The following RGS22 variants were observed in gnomAD, a reference collection of about 807,000 sequenced individuals.
The protein encoded by RGS22 is regulator of G protein signaling 22.
In RGS22, 148 loss-of-function variants were observed where a neutral mutation model predicts 172.9. The ratio of observed to expected loss-of-function variants is 0.86; its 90% confidence interval spans 0.75 to 0.98. The LOEUF is 0.98. Among genes scored for constraint, RGS22 ranks in the 50% least tolerant of loss-of-function variants. RGS22 has a pLI of 0.00. For missense variants in RGS22, 1,347 were observed against 1,440.8 expected, an observed-to-expected ratio of 0.93 and a Z score of 1.05; for synonymous variants, 458 against 480.2, an observed-to-expected ratio of 0.95 and a Z score of 0.60.
intron 23 of RGS22, among the ~76,000 whole-genome samples, chr8:99,976,149 C>T (rs573664593): frequency 6.6e-6 from 1 of 151,898 alleles, no homozygotes; most frequent in Non-Finnish European, 1.5e-5. Context: ...GAGATTGCAC[C>T]ACTGCACTCC....
At chr8:100,104,742 T>C (rs1406933705) in intron 2 of RGS22, among the ~76,000 whole-genome samples, 2 of 151,874 alleles carry the variant, frequency 1.3e-5, no homozygotes, top group Admixed American at 1.3e-4. Flanking sequence ...ATAATAGAAG[T>C]GGTTAGAGCT....
intron 3 of RGS22, among the ~76,000 whole-genome samples, chr8:100,084,747 G>A (rs919573536): frequency 3.3e-5 from 5 of 152,130 alleles, no homozygotes; most frequent in Non-Finnish European, 7.4e-5. Context: ...TTTACCAATA[G>A]CAAAATGTTT....
intron 23 of RGS22, among the ~76,000 whole-genome samples, chr8:99,969,938 A>G (rs1811159052): frequency 6.6e-6 from 1 of 152,228 alleles, no homozygotes; most frequent in Non-Finnish European, 1.5e-5. Flanking sequence ...CATTCTTCTC[A>G]GCATCGGGTA....
intron 18 of RGS22, 41 bp from the exon 19 acceptor site, chr8:99,999,461 T>C: frequency 6.3e-7 from 1 of 1,597,486 alleles, no homozygotes; most frequent in Non-Finnish European, 8.5e-7. Context: ...TTGTGCTTTC[T>C]AAAAGAAACA....
At chr8:100,079,342 T>C (rs550806973) in intron 4 of RGS22, among the ~76,000 whole-genome samples, 2 of 152,264 alleles carry the variant, frequency 1.3e-5, no homozygotes, top group East Asian at 1.9e-4. Context: ...TATTAGCATT[T>C]AGTTTGATGA....
At chr8:100,080,419 A>G in intron 3 of RGS22, 64 bp from the exon 4 acceptor site, 1 of 1,217,886 alleles carries the variant, frequency 8.2e-7, no homozygotes, top group Non-Finnish European at 1.2e-6. Context: ...GTCTCTAAGA[A>G]GACTTGTGGT....
At chr8:99,985,968 A>G (rs1307898828) in intron 21 of RGS22, among the ~76,000 whole-genome samples, 1 of 152,160 alleles carries the variant, frequency 6.6e-6, no homozygotes, top group Non-Finnish European at 1.5e-5. Context: ...TAATCTCAAA[A>G]AAATTATTTT....
chr8:100,018,710 T>C (rs1817282272), intron 14 of RGS22, among the ~76,000 whole-genome samples: 1 of 152,196 alleles, frequency 6.6e-6, no homozygotes, highest in Non-Finnish European at 1.5e-5. Flanking sequence ...AAATACGACA[T>C]TTCCCATTGC....
intron 14 of RGS22, 127 bp downstream of exon 14, chr8:100,038,804 C>A: frequency 2.2e-6 from 1 of 455,236 alleles, no homozygotes; most frequent in Non-Finnish European, 3.9e-6. Flanking sequence ...TACAGTAATC[C>A]CATGGCAACA....
At chr8:100,053,136 A>G (rs1372928782) in intron 9 of RGS22, among the ~76,000 whole-genome samples, 160 bp from the exon 10 acceptor site, 1 of 152,174 alleles carries the variant, frequency 6.6e-6, no homozygotes, top group Non-Finnish European at 1.5e-5. Context: ...CCTTGAAAAA[A>G]TATTTTTCTG....
At chr8:100,097,179 A>G (rs1813043342) in intron 2 of RGS22, among the ~76,000 whole-genome samples, 1 of 152,320 alleles carries the variant, frequency 6.6e-6, no homozygotes, top group East Asian at 1.9e-4. Flanking sequence ...ATCAACTGAC[A>G]AGGAGCTTGA....
intron 10 of RGS22, among the ~76,000 whole-genome samples, chr8:100,047,836 A>C (rs1323806580): frequency 6.6e-6 from 1 of 152,196 alleles, no homozygotes; most frequent in Non-Finnish European, 1.5e-5. Context: ...TTATATCCTT[A>C]CTTCCACCAT....
chr8:100,098,689 T>TTCTCTCC (rs1443703307), intron 2 of RGS22, among the ~76,000 whole-genome samples: 1 of 151,880 alleles, frequency 6.6e-6, no homozygotes, highest in African/African-American at 2.4e-5. Context: ...CTCTTCTCTC[T>TTCTCTCC]TCTTCCCTCT....
intron 14 of RGS22, among the ~76,000 whole-genome samples, chr8:100,026,399 G>A (rs551229801): frequency 6.6e-6 from 1 of 152,002 alleles, no homozygotes; most frequent in African/African-American, 2.4e-5. Flanking sequence ...TGCACAACAT[G>A]GATCTGGTGA....
chr8:100,046,927 C>T lies in RGS22; in HGVS notation c.1823+536G>A, dbSNP rs552452491. Among the ~76,000 whole-genome samples, 37 of 151,928 alleles carry T rather than the reference C, an allele frequency of 2.4e-4. 1 individual carries two copies. The South Asian group carries it at 7.3e-3, about 30-fold the overall frequency. On this transcript the variant is annotated intron_variant, in intron 11 of 27. Coordinates refer to ENST00000360863, the MANE Select transcript of RGS22 (RefSeq NM_015668.5). ...CCTCCCGGGTTCAAGTGATTCTTAT[C>T]CCTCAGCCTTCCGAGTAGTTGATAC...
chr8:100,071,340 A>G, intron 6 of RGS22, 29 bp downstream of exon 6: 7 of 1,558,920 alleles, frequency 4.5e-6, no homozygotes, highest in African/African-American at 2.8e-5. Context: ...GTGAAGCGCT[A>G]AGTCATGAAA....
intron 23 of RGS22, among the ~76,000 whole-genome samples, chr8:99,969,137 CA>C (rs1476660628): frequency 6.6e-6 from 1 of 152,128 alleles, no homozygotes; most frequent in Non-Finnish European, 1.5e-5. Flanking sequence ...CATATCCAAC[CA>C]AACTAAGCTT....
chr8:100,044,314 T>G (rs1248488030), intron 11 of RGS22, among the ~76,000 whole-genome samples: 2 of 152,254 alleles, frequency 1.3e-5, no homozygotes, highest in East Asian at 3.9e-4. Context: ...TGGCACGATT[T>G]GGGCTCACTG....
chr8:100,096,585 C>A (rs1261378724), intron 2 of RGS22, among the ~76,000 whole-genome samples: 2 of 147,282 alleles, frequency 1.4e-5, no homozygotes, highest in African/African-American at 5.1e-5. Context: ...TTTTGCTGCA[C>A]CTTCAAATCA....
Sources: gnomAD v4.1 joint callset for allele counts (sites outside exome capture counted in the v4.1 genomes callset) on GRCh38, gnomAD v4.1.1 for gene constraint, MANE v1.5 for transcripts, NCBI Gene and HGNC (gene_info 2026-07-23, HGNC 2026-07-21) for gene names.